Variants in SLC12A2 observed in about 807,000 individuals in gnomAD.
SLC12A2 encodes the protein Na-K-2Cl cotransporter 1.
Under a neutral mutation model 136.3 loss-of-function variants are expected in SLC12A2, and 67 were observed. The observed-to-expected ratio is 0.49, with a 90% CI of 0.40 to 0.60. The LOEUF is 0.60. Ranked by LOEUF, SLC12A2 falls within the 20% of genes least tolerant of loss-of-function variation. SLC12A2 has a pLI of 0.00. For synonymous variants in SLC12A2, 619 were observed against 562.9 expected (o/e 1.10, Z -1.41); for missense variants, 1,322 against 1,534.7 (o/e 0.86, Z 2.32).
In SLC12A2 at chr5:128,180,131, A is replaced by T. The variant is rs1031869839; in HGVS notation, c.3101-752A>T. On this transcript the variant is annotated intron_variant, in intron 22 of 26. Coordinates refer to ENST00000262461, the MANE Select transcript of SLC12A2 (RefSeq NM_001046.3). ...ACTACAGGCACCTGCCACCATGCCCAGCTAATTTTTTAGTATTTTTAGTAG... is the reference window on the plus strand; with the variant it reads ...ACTACAGGCACCTGCCACCATGCCCTGCTAATTTTTTAGTATTTTTAGTAG... Among the ~76,000 whole-genome samples the T allele has an allele frequency of 1.3e-5, 2 of 150,940 alleles. 1 individual carries two copies. The highest frequency in any genetic ancestry group is 4.2e-4 in the South Asian group (2 of 4,770).
chr5:128,153,767 C>G (rs1262651130), intron 15 of SLC12A2, among the ~76,000 whole-genome samples: 1 of 152,122 alleles, frequency 6.6e-6, no homozygotes, highest in African/African-American at 2.4e-5. Flanking sequence ...TACCCAGTCT[C>G]TCTCTCAGTA....
At chr5:128,104,722 T>A (rs1760872713) in intron 1 of SLC12A2, among the ~76,000 whole-genome samples, 1 of 151,736 alleles carries the variant, frequency 6.6e-6, no homozygotes, top group African/African-American at 2.4e-5. Context: ...TCAGATGGAT[T>A]TTCTGGACAC....
At chr5:128,172,354 A>G (rs1763403064) in intron 19 of SLC12A2, among the ~76,000 whole-genome samples, 1 of 141,706 alleles carries the variant, frequency 7.1e-6, no homozygotes, top group African/African-American at 2.7e-5. Flanking sequence ...CATTAGAACA[A>G]TCCACAGACC....
intron 16 of SLC12A2, among the ~76,000 whole-genome samples, chr5:128,160,054 A>C (rs1222958359): frequency 7.9e-5 from 12 of 152,254 alleles, no homozygotes. Flanking sequence ...AATACTATGC[A>C]GCCATAAAAA....
intron 10 of SLC12A2, among the ~76,000 whole-genome samples, chr5:128,146,898 C>T (rs1349674620): frequency 6.6e-6 from 1 of 151,356 alleles, no homozygotes; most frequent in Non-Finnish European, 1.5e-5. Context: ...CTAGATAGAA[C>T]CAGTTTACTA....
chr5:128,113,860 CTT>C (rs1192785173), intron 2 of SLC12A2, among the ~76,000 whole-genome samples: 1 of 152,066 alleles, frequency 6.6e-6, no homozygotes, highest in African/African-American at 2.4e-5. Context: ...AAAAGTTAAA[CTT>C]TGACTGATAA....
chr5:128,121,710 A>G (rs1182914759), intron 4 of SLC12A2, among the ~76,000 whole-genome samples: 1 of 152,212 alleles, frequency 6.6e-6, no homozygotes, highest in Non-Finnish European at 1.5e-5. Context: ...AGCAGTGCCA[A>G]GGAACTGATA....
chr5:128,130,595 T>C (rs1581094316), intron 4 of SLC12A2, among the ~76,000 whole-genome samples: 1 of 150,354 alleles, frequency 6.7e-6, no homozygotes, highest in East Asian at 1.9e-4. Context: ...GGCACGAGAA[T>C]TGCTTGAACC....
intron 9 of SLC12A2, among the ~76,000 whole-genome samples, chr5:128,140,214 G>T (rs1762319194): frequency 6.6e-6 from 1 of 152,084 alleles, no homozygotes; most frequent in African/African-American, 2.4e-5. Context: ...GGCCAGGCTG[G>T]TCTCAAACTC....
intron 3 of SLC12A2, 85 bp from the exon 4 acceptor site, chr5:128,114,501 A>G (rs1490028699): frequency 8.6e-6 from 8 of 934,990 alleles, no homozygotes; most frequent in Non-Finnish European, 1.3e-5. Context: ...ATGTAGATTC[A>G]GTATTCTTAG....
intron 1 of SLC12A2, among the ~76,000 whole-genome samples, chr5:128,089,782 T>C (rs938431937): frequency 1.3e-5 from 2 of 152,210 alleles, no homozygotes; most frequent in Non-Finnish European, 2.9e-5. Flanking sequence ...AGTAAAACAC[T>C]AAATAATTAC....
intron 4 of SLC12A2, among the ~76,000 whole-genome samples, chr5:128,122,710 C>G (rs937314410): frequency 1.3e-5 from 2 of 152,084 alleles, no homozygotes; most frequent in Non-Finnish European, 2.9e-5. Flanking sequence ...TTTCCACGTA[C>G]TGTGACAGAA....
chr5:128,121,156 T>C (rs1311376687), intron 4 of SLC12A2, among the ~76,000 whole-genome samples: 2 of 152,212 alleles, frequency 1.3e-5, no homozygotes, highest in Non-Finnish European at 2.9e-5. Flanking sequence ...AGAAAAGTTG[T>C]ACTTTGTTAT....
At position 128,126,966 on chromosome 5, in the gene SLC12A2, A is replaced by ATAATTTTT; in HGVS notation, c.1049-4100_1049-4099insAATTTTTT. ...CATATATATATATATATATATATAT[A>ATAATTTTT]TTTTTTTTTTTTTTTTTTTTTGCAT... On this transcript the variant is annotated intron_variant, in intron 4 of 26. Transcript: ENST00000262461. Among the ~76,000 whole-genome samples, 19 of 21,160 alleles carry ATAATTTTT rather than the reference A, an allele frequency of 9.0e-4. 2 individuals carry two copies. In the East Asian group the frequency reaches 0.013, roughly 15 times the overall value. The allele number at this position is 21,160 out of a possible 152,430, so 13.9% of individuals were successfully genotyped here. A position where few individuals can be genotyped will look rare whatever the true frequency, so the allele number is the denominator to read the frequency against.
chr5:128,171,791 CT>C (rs759926031), intron 19 of SLC12A2, 45 bp downstream of exon 19: 1 of 1,116,304 alleles, frequency 9.0e-7, no homozygotes, highest in Non-Finnish European at 1.3e-6. Flanking sequence ...AAAATATAAA[CT>C]ACTTTGTTAG....
chr5:128,085,127 G>T (rs1009823798), intron 1 of SLC12A2, among the ~76,000 whole-genome samples: 34 of 151,788 alleles, frequency 2.2e-4, no homozygotes, highest in African/African-American at 8.2e-4. Flanking sequence ...GTGTTGTGTG[G>T]CTTATGTACG....
At chr5:128,116,447 CTT>C (rs1237433014) in intron 4 of SLC12A2, among the ~76,000 whole-genome samples, 1 of 150,372 alleles carries the variant, frequency 6.7e-6, no homozygotes, top group Non-Finnish European at 1.5e-5. Flanking sequence ...GCCTGATAGA[CTT>C]TGTGTGCAGT....
At chr5:128,112,263 G>A (rs1404628081) in intron 1 of SLC12A2, among the ~76,000 whole-genome samples, 1 of 152,150 alleles carries the variant, frequency 6.6e-6, no homozygotes, top group Non-Finnish European at 1.5e-5. Context: ...AAACTACAAA[G>A]GAAAGCAATG....
intron 22 of SLC12A2, 43 bp from the exon 23 acceptor site, chr5:128,180,840 A>C: frequency 8.7e-7 from 1 of 1,150,594 alleles, no homozygotes; most frequent in East Asian, 2.3e-5. Flanking sequence ...CTGATTAAGA[A>C]ATTTGCATTT....
Sources: allele counts gnomAD v4.1 joint callset (sites outside exome capture counted in the v4.1 genomes callset), GRCh38; gene constraint gnomAD v4.1.1; transcripts MANE v1.5; gene names NCBI Gene and HGNC (gene_info 2026-07-23, HGNC 2026-07-21).